The following ARVCF variants were observed in gnomAD, a reference collection of about 807,000 sequenced individuals.
ARVCF encodes ARVCF delta catenin family member.
In ARVCF, 66 loss-of-function variants were observed where a neutral mutation model predicts 90.9. The ratio of observed to expected loss-of-function variants is 0.73; its 90% CI spans 0.60 to 0.89. The LOEUF (loss-of-function observed/expected upper bound fraction) is 0.89, where lower values mean the gene tolerates loss of function less well. ARVCF is among the 40% of genes least tolerant of loss of function. ARVCF has a pLI of 0.00. For missense variants in ARVCF, 1,469 were observed against 1,382.3 expected, an observed-to-expected ratio of 1.06 and a Z score of -1.00; for synonymous variants, 653 against 603.4, an observed-to-expected ratio of 1.08 and a Z score of -1.21.
chr22:19,973,071 TC>T (rs1452211138), intron 14 of ARVCF, 35 bp from the exon 15 acceptor site: 23 of 1,349,734 alleles, frequency 1.7e-5, no homozygotes, highest in Non-Finnish European at 2.3e-5. Context: ...TGGTGGCCCC[TC>T]CCCCACCTCC....
rs12169508 is a variant in ARVCF, at chr22:19,973,484, G to C, written c.2239+159C>G. Among the ~76,000 whole-genome samples the C allele has an allele frequency of 0.15, 22,377 of 152,198 alleles. 1,775 individuals are homozygous for C. The highest frequency in any genetic ancestry group is 0.21 in the Middle Eastern group (61 of 292). On this transcript the variant is annotated intron_variant, in intron 13 of 19. Coordinates refer to ENST00000263207, the MANE Select transcript of ARVCF (RefSeq NM_001670.3). Reference sequence around the variant, plus strand: ...GCAGGGCGCTGAGCTTCAGAGACAGGGCCGGGGGGACTGGAGCTACCTCCA... The same window carrying C: ...GCAGGGCGCTGAGCTTCAGAGACAGCGCCGGGGGGACTGGAGCTACCTCCA...
chr22:19,988,226 C>G (rs1324321450), intron 3 of ARVCF, among the ~76,000 whole-genome samples: 1 of 152,230 alleles, frequency 6.6e-6, no homozygotes, highest in Non-Finnish European at 1.5e-5. Context: ...CCACCATGTG[C>G]CCCTCTGAGC....
chr22:19,984,232 G>A, intron 3 of ARVCF, among the ~76,000 whole-genome samples: 1 of 152,172 alleles, frequency 6.6e-6, no homozygotes, highest in East Asian at 1.9e-4. Flanking sequence ...AGGCAGTGGG[G>A]GTAAGCGGGA....
In ARVCF at chr22:19,980,806, G is replaced by C. The variant is rs548839450; in HGVS notation, c.896+405C>G. On this transcript the variant is annotated intron_variant, in intron 5 of 19. Transcript: ENST00000263207. ...CGCCTGCCCTGAGGCTAGGAGTGACGGTCAGGTGACTTGGCCAGGGTCACA... is the reference window on the plus strand; with the variant it reads ...CGCCTGCCCTGAGGCTAGGAGTGACCGTCAGGTGACTTGGCCAGGGTCACA... 9 of 206,806 alleles carry C rather than the reference G, an allele frequency of 4.4e-5. No homozygotes were observed. The East Asian group carries it at 6.9e-4, about 16-fold the overall frequency. The allele number at this position is 206,806 out of a possible 1,614,324, so 12.8% of individuals were successfully genotyped here.
intron 2 of ARVCF, among the ~76,000 whole-genome samples, chr22:20,003,254 G>T (rs982838887): frequency 2.0e-5 from 3 of 152,090 alleles, no homozygotes; most frequent in Admixed American, 2.0e-4. Flanking sequence ...CAGCAAAGAT[G>T]GTTTCACTGG....
chr22:19,968,829 G>C, downstream of ARVCF: 1 of 1,266,590 alleles, frequency 7.9e-7, no homozygotes, highest in Non-Finnish European at 1.1e-6. Context: ...GCTCCGGGCT[G>C]TGTCCTAAAT....
rs760124089 is a variant in ARVCF, at chr22:19,973,132, G to C, written c.2425C>G (p.Leu809Val). The change falls in exon 14 of 20, where the codon CTC becomes GTC. Residue 809 changes from leucine to valine, a missense_variant. Transcript: ENST00000263207. ...QARGVPALVALVASSQSVREA... is the reference protein window; with the variant it reads ...QARGVPALVAVVASSQSVREA... ...GCCCCTCCACACCTGGAGGCCACGA[G>C]AGCCACCAACGCTGGCACCCCGCGT... The C allele has an allele frequency of 1.6e-5, 26 of 1,598,098 alleles. No individual in the cohort carries two copies. The highest frequency in any genetic ancestry group is 2.3e-5 in the East Asian group (1 of 43,590).
intron 10 of ARVCF, among the ~76,000 whole-genome samples, 197 bp from the exon 11 acceptor site, chr22:19,975,954 G>A (rs1325779545): frequency 6.6e-6 from 1 of 152,108 alleles, no homozygotes; most frequent in African/African-American, 2.4e-5. Context: ...TGGTGGCAGT[G>A]GGGCCTGGGG....
chr22:19,966,909 G>GCT (rs1942430858), downstream of ARVCF: 1 of 980,428 alleles, frequency 1.0e-6, no homozygotes, highest in Middle Eastern at 5.2e-4. Flanking sequence ...AGTGTCACCT[G>GCT]CTCCTCTGAC....
At chr22:19,971,773 C>T in intron 18 of ARVCF, 113 bp downstream of exon 18, 3 of 1,185,290 alleles carry the variant, frequency 2.5e-6, no homozygotes, top group Non-Finnish European at 3.7e-6. Flanking sequence ...GGCCCCACAA[C>T]CCAGCTGTAC....
chr22:19,990,692 G>T lies in ARVCF; in HGVS notation c.103C>A (p.Arg35Ser). The change falls in exon 3 of 20, where the codon CGC becomes AGC. Residue 35 changes from arginine (R) to serine (S), a missense_variant. By Grantham distance (110) the Arg-to-Ser change is moderately radical (BLOSUM62 -1). Coordinates refer to ENST00000263207, the MANE Select transcript of ARVCF (RefSeq NM_001670.3). Reference protein sequence around the residue: ...RLTRALEQERRHVALQLERAQ... With the variant: ...RLTRALEQERSHVALQLERAQ... ...CGCTCCAGCTGTAGGGCAACATGGC[G>T]CCGCTCCTGCTCCAGTGCCCGTGTC... 1 of 1,601,904 alleles carries T rather than the reference G, an allele frequency of 6.2e-7. No individual in the cohort carries two copies. Among genetic ancestry groups the T allele is most frequent in the Non-Finnish European group, 8.5e-7 (1 of 1,174,592 alleles).
chr22:20,014,797 C>T (rs1421057895), intron 1 of ARVCF, among the ~76,000 whole-genome samples: 1 of 152,236 alleles, frequency 6.6e-6, no homozygotes, highest in African/African-American at 2.4e-5. Context: ...GGGGATCCTG[C>T]TGCTCCTGCA....
chr22:19,981,374 G>A lies in ARVCF; in HGVS notation c.733C>T (p.Pro245Ser), dbSNP rs1433171917. Reference sequence around the variant, plus strand: ...CGCTCGGGCAGGGAGCGGCCACCTGGTGGCCCAGGCTCAGGACCCACCGGG... The same window carrying A: ...CGCTCGGGCAGGGAGCGGCCACCTGATGGCCCAGGCTCAGGACCCACCGGG... The part of the protein sequence containing the change: ...AFPVGPEPGP[P>S]GGRSLPERFQ... Residue 245 changes from proline (P) to serine (S), a missense_variant, in exon 5 of 20, where the codon CCA becomes TCA. By Grantham distance (74) the Pro-to-Ser change is moderately conservative (BLOSUM62 -1). Transcript: ENST00000263207. The A allele has an allele frequency of 3.7e-6, 6 of 1,602,384 alleles. No homozygotes were observed. Among genetic ancestry groups the A allele is most frequent in the Non-Finnish European group, 5.1e-6 (6 of 1,175,844 alleles).
intron 3 of ARVCF, 133 bp from the exon 4 acceptor site, chr22:19,982,224 C>T (rs1055993048): frequency 4.1e-6 from 5 of 1,232,630 alleles, no homozygotes; most frequent in Non-Finnish European, 4.4e-6. Context: ...TGGTCCTGAA[C>T]CCACCCACCC....
rs1336944258 is a variant in ARVCF, at chr22:19,972,070, G to A, written c.2696-99C>T. The A allele has an allele frequency of 1.5e-5, 18 of 1,219,310 alleles. 1 individual carries two copies. The Admixed American group carries it at 3.2e-4, about 22-fold the overall frequency. The allele number at this position is 1,219,310 out of a possible 1,614,324, so 75.5% of individuals were successfully genotyped here. A position where few individuals can be genotyped will look rare whatever the true frequency, so the allele number is the denominator to read the frequency against. Reference sequence around the variant, plus strand: ...CCAGACACAGGGGACTCGTGGGACAGGGGCTTTGGGAGACAGCCCCCACCC... The same window carrying A: ...CCAGACACAGGGGACTCGTGGGACAAGGGCTTTGGGAGACAGCCCCCACCC... On this transcript the variant is annotated intron_variant, in intron 17 of 19. Coordinates refer to ENST00000263207, the MANE Select transcript of ARVCF (RefSeq NM_001670.3).
At chr22:19,997,649 C>T (rs1231794730) in intron 2 of ARVCF, among the ~76,000 whole-genome samples, 1 of 152,228 alleles carries the variant, frequency 6.6e-6, no homozygotes, top group Non-Finnish European at 1.5e-5. Context: ...CTCCCTGCTG[C>T]ATCCTGCCCA....
rs1198778168 is a variant in ARVCF, at chr22:19,978,049, G to A, written c.1607C>T (p.Ala536Val). 1.2e-6 allele frequency: 2 copies of A among 1,610,538 alleles called. No individual in the cohort carries two copies. The highest frequency in any genetic ancestry group is 1.7e-6 in the Non-Finnish European group (2 of 1,178,780). The change falls in exon 8 of 20, where the codon GCC becomes GTC. Residue 536 changes from alanine (A) to valine (V), a missense_variant. Physicochemically the swap from Ala to Val is moderately conservative, Grantham distance 64. Coordinates refer to ENST00000263207, the MANE Select transcript of ARVCF (RefSeq NM_001670.3). ...TTCACACTCCCGGAGTCGCCGCCGG[G>A]CCTCAGCACCATCGGAGCTCACATT... ...LRNVSSDGAE[A>V]RRRLRECEGL... is the part of the protein sequence containing the mutation.
At chr22:19,990,050 C>T (rs1322518494) in intron 3 of ARVCF, among the ~76,000 whole-genome samples, 1 of 152,206 alleles carries the variant, frequency 6.6e-6, no homozygotes, top group East Asian at 1.9e-4. Context: ...TCACTGCATA[C>T]CCCAACTTTA....
In ARVCF at chr22:19,973,130, G is replaced by A. The variant is rs371327010; in HGVS notation, c.2427C>T (p.Leu809=). 8.6e-6 allele frequency: 12 copies of A among 1,389,290 alleles called. No individual in the cohort carries two copies. The highest frequency in any genetic ancestry group is 7.6e-5 in the African/African-American group (5 of 65,856). 86.1% of individuals were successfully genotyped at this position (1,389,290 alleles called of 1,614,324 possible). Residue 809 remains leucine, a synonymous_variant, in exon 14 of 20, where the codon CTC becomes CTT. Transcript: ENST00000263207. ...CCGCCCCTCCACACCTGGAGGCCAC[G>A]AGAGCCACCAACGCTGGCACCCCGC... ...QARGVPALVA[L]VASSQSVREA...
Sources: gnomAD v4.1 joint callset for allele counts (sites outside exome capture counted in the v4.1 genomes callset) on GRCh38, gnomAD v4.1.1 for gene constraint, MANE v1.5 for transcripts, NCBI Gene and HGNC (gene_info 2026-07-23, HGNC 2026-07-21) for gene names.